TRPM3: variants seen among roughly 807,000 people sequenced by gnomAD.
The protein encoded by TRPM3 is long transient receptor potential channel 3.
A neutral mutation model predicts 181.2 loss-of-function variants in TRPM3; 77 were observed. That is an observed-to-expected ratio of 0.42 (90% CI 0.35 to 0.51). TRPM3 has a LOEUF of 0.51. TRPM3 is among the 20% of genes least tolerant of loss of function. The pLI, the probability that TRPM3 is intolerant of heterozygous loss-of-function variation, is 0.01. For missense variants in TRPM3, 1,759 were observed against 2,196.7 expected (o/e 0.80, Z 3.98); for synonymous variants, 745 against 796.4 (o/e 0.94, Z 1.09).
chr9:70,804,899 G>T (rs1199429757), intron 6 of TRPM3, among the ~76,000 whole-genome samples: 1 of 152,076 alleles, frequency 6.6e-6, no homozygotes, highest in African/African-American at 2.4e-5. Context: ...AATTATGCAG[G>T]CAACTTGTCT....
chr9:70,797,355 C>T (rs1159109078), intron 6 of TRPM3, among the ~76,000 whole-genome samples: 1 of 152,184 alleles, frequency 6.6e-6, no homozygotes, highest in Admixed American at 6.5e-5. Context: ...TACCTGACTT[C>T]CCTAATATAA....
chr9:71,081,710 G>A (rs1433498367), intron 1 of TRPM3, among the ~76,000 whole-genome samples: 1 of 152,036 alleles, frequency 6.6e-6, no homozygotes, highest in Non-Finnish European at 1.5e-5. Flanking sequence ...CACACAATAT[G>A]AGCCCTTAGA....
chr9:70,633,083 CTTTTTAAAGGTTTGGG>C (rs1199316885), intron 12 of TRPM3, among the ~76,000 whole-genome samples: 1 of 152,132 alleles, frequency 6.6e-6, no homozygotes, highest in Non-Finnish European at 1.5e-5. Context: ...ATGAGCGACT[CTTTTTAAAGGTTTGGG>C]TTGGTGATGA....
intron 7 of TRPM3, chr9:70,774,418 C>G (rs72614626): frequency 6.6e-6 from 1 of 151,964 alleles, no homozygotes; most frequent in Non-Finnish European, 1.5e-5. Context: ...ATGTAACATA[C>G]AAAATGTATG....
chr9:71,169,270 G>T (rs776315197), intron 1 of TRPM3, among the ~76,000 whole-genome samples: 1 of 152,094 alleles, frequency 6.6e-6, no homozygotes, highest in African/African-American at 2.4e-5. Flanking sequence ...ACATCTCCAG[G>T]TCAAATGTGA....
rs370422899 is a variant in TRPM3, at chr9:70,603,324, T to G, written c.2796+18A>C. The G allele has an allele frequency of 1.2e-6, 2 of 1,608,380 alleles. No individual in the cohort carries two copies. On this transcript the variant is annotated intron_variant, in intron 20 of 25. Coordinates refer to ENST00000677713, the MANE Select transcript of TRPM3 (RefSeq NM_001366145.2). ...ACCACTGTCTTTCTCTTACGTTTTC[T>G]TTTATAAAAGCCGTTACCTCTCTCA...
intron 3 of TRPM3, among the ~76,000 whole-genome samples, chr9:70,857,478 A>G (rs1179664095): frequency 2.6e-5 from 4 of 152,122 alleles, no homozygotes; most frequent in African/African-American, 9.7e-5. Context: ...AGTTTCATCA[A>G]CCTCATTAAA....
At chr9:70,836,134 A>G (rs2094304667) in intron 5 of TRPM3, among the ~76,000 whole-genome samples, 1 of 152,106 alleles carries the variant, frequency 6.6e-6, no homozygotes, top group Non-Finnish European at 1.5e-5. Flanking sequence ...CCTGACACCA[A>G]TCTTCCACAT....
chr9:70,996,588 C>T lies in TRPM3; in HGVS notation c.177+124590G>A, dbSNP rs575952314. Among the ~76,000 whole-genome samples, 6 of 152,318 alleles carry T rather than the reference C, an allele frequency of 3.9e-5. No homozygotes were observed. In the East Asian group the frequency reaches 7.7e-4, roughly 20 times the overall value. ...ATTATGTGCAAGGCCAACAGTGAATCGTTGGCTAAATCGCAATGTTAAAGT... is the reference window on the plus strand; with the variant it reads ...ATTATGTGCAAGGCCAACAGTGAATTGTTGGCTAAATCGCAATGTTAAAGT... On this transcript the variant is annotated intron_variant, in intron 1 of 25. Coordinates refer to ENST00000677713, the MANE Select transcript of TRPM3 (RefSeq NM_001366145.2).
chr9:70,917,521 G>A lies in TRPM3; in HGVS notation c.178-53010C>T, dbSNP rs566566880. 517 of 674,292 alleles carry A rather than the reference G, an allele frequency of 7.7e-4. 1 individual carries two copies. Among genetic ancestry groups the A allele is most frequent in the Non-Finnish European group, 9.5e-4 (349 of 367,092 alleles). 41.8% of individuals were successfully genotyped at this position (674,292 alleles called of 1,614,324 possible). On this transcript the variant is annotated intron_variant, in intron 1 of 25. Transcript: ENST00000677713. ...AGGGAGCCACCACGATAACTGGGGC[G>A]GGCACGCAGCTTTGTTTTCTTCTTT...
At chr9:71,237,324 T>C (rs1295870822) in intron 1 of TRPM3, among the ~76,000 whole-genome samples, 1 of 152,180 alleles carries the variant, frequency 6.6e-6, no homozygotes, top group Non-Finnish European at 1.5e-5. Flanking sequence ...TTCTAAAGTA[T>C]GACCAATATG....
chr9:71,414,763 AAC>A (rs959896428), intron 1 of TRPM3, among the ~76,000 whole-genome samples: 1 of 152,098 alleles, frequency 6.6e-6, no homozygotes, highest in Non-Finnish European at 1.5e-5. Flanking sequence ...TGTGAATTAC[AAC>A]ACACACAGTC....
intron 1 of TRPM3, among the ~76,000 whole-genome samples, chr9:71,215,415 G>A (rs769972021): frequency 5.9e-5 from 9 of 152,148 alleles, no homozygotes; most frequent in Non-Finnish European, 1.2e-4. Context: ...AGACTTGGGG[G>A]CTCTGCTTTG....
chr9:70,776,506 G>A, intron 7 of TRPM3: 1 of 691,662 alleles, frequency 1.4e-6, no homozygotes, highest in Non-Finnish European at 2.7e-6. Context: ...AAAATGATTT[G>A]CAAAAGAAAC....
intron 9 of TRPM3, among the ~76,000 whole-genome samples, chr9:70,654,036 G>A (rs1263011723): frequency 6.6e-6 from 1 of 151,934 alleles, no homozygotes; most frequent in African/African-American, 2.4e-5. Context: ...AAACTTAGGG[G>A]TGGCTAAGCA....
intron 1 of TRPM3, among the ~76,000 whole-genome samples, chr9:71,087,571 A>T (rs2065483255): frequency 6.6e-6 from 1 of 152,108 alleles, no homozygotes. Context: ...AGAACCCAGC[A>T]GTGAAACTGC....
chr9:71,319,193 T>C (rs1455035889), intron 1 of TRPM3, among the ~76,000 whole-genome samples: 1 of 151,978 alleles, frequency 6.6e-6, no homozygotes, highest in East Asian at 1.9e-4. Context: ...TAGTCAGGGT[T>C]CTCCAGAGAA....
chr9:71,183,201 T>A (rs577088316), intron 1 of TRPM3, among the ~76,000 whole-genome samples: 26 of 152,256 alleles, frequency 1.7e-4, no homozygotes, highest in Admixed American at 9.2e-4. Flanking sequence ...AACTTGTGTG[T>A]GTCCTACTGG....
chr9:70,941,237 A>G (rs191074994), intron 1 of TRPM3, among the ~76,000 whole-genome samples: 103 of 152,316 alleles, frequency 6.8e-4, no homozygotes, highest in Middle Eastern at 3.4e-3. Context: ...CATGGCTAGC[A>G]TAAAGCAGGC....
Sources: allele counts gnomAD v4.1 joint callset (sites outside exome capture counted in the v4.1 genomes callset), GRCh38; gene constraint gnomAD v4.1.1; transcripts MANE v1.5; gene names NCBI Gene and HGNC (gene_info 2026-07-23, HGNC 2026-07-21).